Variants in SHC4 observed in about 807,000 individuals in gnomAD.
The protein encoded by SHC4 is SHC adaptor protein 4.
Under a neutral mutation model 69.4 loss-of-function variants are expected in SHC4, and 41 were observed. That is an observed-to-expected ratio of 0.59 (90% CI 0.46 to 0.77). SHC4 has a LOEUF of 0.77. Among genes scored for constraint, SHC4 ranks in the 30% least tolerant of loss-of-function variants. The probability of loss-of-function intolerance (pLI) is 0.00; values close to 1 mark genes in which losing one functional copy is unlikely to be tolerated. For missense variants in SHC4, 777 were observed against 783.8 expected (o/e 0.99, Z 0.10); for synonymous variants, 318 against 299.3 (o/e 1.06, Z -0.64).
At chr15:48,832,786 C>CT (rs1277173761) in intron 11 of SHC4, among the ~76,000 whole-genome samples, 1 of 152,092 alleles carries the variant, frequency 6.6e-6, no homozygotes, top group Admixed American at 6.6e-5. Context: ...AATGACCTCT[C>CT]TTTGAGTTTG....
Position 48,857,305 on chromosome 15 carries a change from G to GT in SHC4, c.1070+386dup, listed in dbSNP as rs143293464. Among the ~76,000 whole-genome samples the GT allele has an allele frequency of 6.8e-3, 987 of 145,896 alleles. 6 individuals carry two copies. Among genetic ancestry groups the GT allele is most frequent in the African/African-American group, 0.02 (794 of 40,154 alleles). On this transcript the variant is annotated intron_variant, in intron 7 of 11. Transcript: ENST00000332408. ...TTATTTTGCTCTTTGTTCTTGCTGT[G>GT]TTTTTTTTTTTAACTGATATGTAAA...
At chr15:48,872,512 C>A (rs1281974368) in intron 4 of SHC4, among the ~76,000 whole-genome samples, 1 of 152,154 alleles carries the variant, frequency 6.6e-6, no homozygotes, top group Non-Finnish European at 1.5e-5. Flanking sequence ...TTCTAGGGGC[C>A]ATATTATGCT....
At chr15:48,892,727 G>A (rs929875518) in intron 2 of SHC4, among the ~76,000 whole-genome samples, 3 of 152,006 alleles carry the variant, frequency 2.0e-5, no homozygotes, top group African/African-American at 7.3e-5. Flanking sequence ...GCCAGGCATG[G>A]TGGCAGGCAC....
intron 1 of SHC4, chr15:48,938,179 T>A (rs1413377955): frequency 6.6e-6 from 1 of 152,204 alleles, no homozygotes; most frequent in East Asian, 1.9e-4. Flanking sequence ...TTGCAAAAGC[T>A]GACCCTACTC....
chr15:48,830,844 A>T (rs1487382468), intron 11 of SHC4, among the ~76,000 whole-genome samples: 1 of 152,146 alleles, frequency 6.6e-6, no homozygotes. Context: ...TTCTCAAGAG[A>T]CTCAAGCAGG....
chr15:48,911,575 T>C (rs1426137679), intron 2 of SHC4, among the ~76,000 whole-genome samples: 1 of 152,194 alleles, frequency 6.6e-6, no homozygotes, highest in Non-Finnish European at 1.5e-5. Flanking sequence ...ATGTTAGTAT[T>C]GAAATGTGAG....
chr15:48,878,432 G>T lies in SHC4; in HGVS notation c.840+5816C>A, dbSNP rs1432456776. On this transcript the variant is annotated intron_variant, in intron 4 of 11. Coordinates refer to ENST00000332408, the MANE Select transcript of SHC4 (RefSeq NM_203349.4). Reference sequence around the variant, plus strand: ...CGGGCCCAACGCTGGGGAGCAGCCAGGCCAGGTGGCGGGCGCAGACTTCGA... The same window carrying T: ...CGGGCCCAACGCTGGGGAGCAGCCATGCCAGGTGGCGGGCGCAGACTTCGA... 5 of 1,612,818 alleles carry T rather than the reference G, an allele frequency of 3.1e-6. No individual in the cohort carries two copies. In the South Asian group the frequency reaches 5.5e-5, roughly 18 times the overall value.
At chr15:48,958,327 G>C (rs1242591996) in intron 1 of SHC4, among the ~76,000 whole-genome samples, 1 of 152,178 alleles carries the variant, frequency 6.6e-6, no homozygotes, top group Non-Finnish European at 1.5e-5. Context: ...GCAAGTGAGA[G>C]GTTGGGAAGT....
intron 6 of SHC4, among the ~76,000 whole-genome samples, chr15:48,859,723 C>T (rs1482481261): frequency 1.3e-5 from 2 of 152,138 alleles, no homozygotes; most frequent in Non-Finnish European, 2.9e-5. Context: ...TGAGTCCCTG[C>T]AATGGGACAT....
chr15:48,859,818 C>T (rs1054920237), intron 6 of SHC4, among the ~76,000 whole-genome samples: 4 of 152,090 alleles, frequency 2.6e-5, no homozygotes, highest in Non-Finnish European at 5.9e-5. Context: ...GCCTCATATC[C>T]GGAGACCTAA....
At chr15:48,885,930 T>C (rs1410261618) in intron 3 of SHC4, among the ~76,000 whole-genome samples, 3 of 152,216 alleles carry the variant, frequency 2.0e-5, no homozygotes, top group Non-Finnish European at 4.4e-5. Context: ...GCTCATTTGC[T>C]TCTCTAGAGT....
At chr15:48,943,297 C>T (rs1159333149) in intron 1 of SHC4, among the ~76,000 whole-genome samples, 1 of 152,194 alleles carries the variant, frequency 6.6e-6, no homozygotes, top group Admixed American at 6.5e-5. Context: ...GTTCTACTCT[C>T]TGCCTCTATA....
intron 11 of SHC4, among the ~76,000 whole-genome samples, 167 bp from the exon 12 acceptor site, chr15:48,826,293 C>T (rs1418742446): frequency 2.7e-5 from 4 of 150,874 alleles, no homozygotes; most frequent in African/African-American, 4.9e-5. Flanking sequence ...ACTCTGTGGC[C>T]CAGGTTAGAG....
At chr15:48,912,914 G>A (rs145008833) in intron 2 of SHC4, among the ~76,000 whole-genome samples, 271 of 149,380 alleles carry the variant, frequency 1.8e-3, no homozygotes, top group East Asian at 0.012. Flanking sequence ...TCTGGGGGTC[G>A]TCTGCACAGA....
At chr15:48,910,779 G>A (rs1900495139) in intron 2 of SHC4, among the ~76,000 whole-genome samples, 1 of 152,072 alleles carries the variant, frequency 6.6e-6, no homozygotes, top group Non-Finnish European at 1.5e-5. Context: ...TTGTTGTTCA[G>A]TTCAAAGAAT....
chr15:48,931,237 A>T (rs74012196), intron 1 of SHC4, among the ~76,000 whole-genome samples: 6,020 of 152,266 alleles, frequency 0.04, 396 homozygotes, highest in African/African-American at 0.14. Flanking sequence ...TCACTTGGGA[A>T]GTATTAAAAA....
At chr15:48,834,067 A>G (rs750856687) in intron 11 of SHC4, among the ~76,000 whole-genome samples, 1 of 152,146 alleles carries the variant, frequency 6.6e-6, no homozygotes, top group Non-Finnish European at 1.5e-5. Context: ...CAAAACTGCC[A>G]ATGCCTCCCC....
intron 3 of SHC4, among the ~76,000 whole-genome samples, chr15:48,886,892 C>T (rs1595745935): frequency 6.6e-6 from 1 of 152,128 alleles, no homozygotes; most frequent in Non-Finnish European, 1.5e-5. Flanking sequence ...GGATGGGATA[C>T]TGACCAAATT....
chr15:48,944,298 T>C (rs958306050), intron 1 of SHC4, among the ~76,000 whole-genome samples: 14 of 151,940 alleles, frequency 9.2e-5, no homozygotes, highest in African/African-American at 3.1e-4. Flanking sequence ...CATTCTTCCT[T>C]ACTAACAGAT....
Sources: allele counts gnomAD v4.1 joint callset (sites outside exome capture counted in the v4.1 genomes callset), GRCh38; gene constraint gnomAD v4.1.1; transcripts MANE v1.5; gene names NCBI Gene and HGNC (gene_info 2026-07-23, HGNC 2026-07-21).